Variants in THSD7B observed in about 807,000 individuals in gnomAD.
The protein encoded by THSD7B is thrombospondin type-1 domain-containing protein 7B.
In THSD7B, 138 loss-of-function variants were observed where a neutral mutation model predicts 213.6. The observed-to-expected ratio is 0.65, with a 90% CI of 0.56 to 0.74. THSD7B has a LOEUF of 0.74. THSD7B is among the 30% of genes least tolerant of loss of function. The pLI is 0.00. For synonymous variants in THSD7B, 742 were observed against 687.0 expected, an observed-to-expected ratio of 1.08 and a Z score of -1.25; for missense variants, 1,931 against 1,991.5, an observed-to-expected ratio of 0.97 and a Z score of 0.58.
rs181828881 is a variant in THSD7B, at chr2:137,582,561, T to C, written c.3423+10005T>C. Among the ~76,000 whole-genome samples, 190 of 145,936 alleles carry C rather than the reference T, an allele frequency of 1.3e-3. 1 individual carries two copies. Among genetic ancestry groups the C allele is most frequent in the Non-Finnish European group, 1.7e-3 (116 of 66,718 alleles). ...GTGTCCGAGTGTTCTCATTGTTCAATTCCCACCTATGAGTGAGAACATGTG... is the reference window on the plus strand; with the variant it reads ...GTGTCCGAGTGTTCTCATTGTTCAACTCCCACCTATGAGTGAGAACATGTG... On this transcript the variant is annotated intron_variant, in intron 17 of 27. Transcript: ENST00000409968.
At chr2:137,601,980 TTA>T (rs1012255961) in intron 17 of THSD7B, among the ~76,000 whole-genome samples, 4 of 152,298 alleles carry the variant, frequency 2.6e-5, no homozygotes, top group African/African-American at 9.6e-5. Flanking sequence ...CTCTGAAATT[TTA>T]TCTCTGTTCA....
chr2:137,302,836 T>C (rs1464917114), intron 12 of THSD7B, among the ~76,000 whole-genome samples: 2 of 152,142 alleles, frequency 1.3e-5, no homozygotes, highest in African/African-American at 4.8e-5. Flanking sequence ...AACGAAGTCA[T>C]GACCATTTTA....
intron 12 of THSD7B, among the ~76,000 whole-genome samples, chr2:137,279,197 G>C (rs1372974782): frequency 1.3e-5 from 2 of 152,084 alleles, no homozygotes; most frequent in Admixed American, 1.3e-4. Context: ...CATTATTCAA[G>C]TTTCAGTGCT....
chr2:137,466,334 TC>T (rs1687990033), intron 15 of THSD7B, among the ~76,000 whole-genome samples: 1 of 152,120 alleles, frequency 6.6e-6, no homozygotes, highest in South Asian at 2.1e-4. Context: ...GCACTGGCAT[TC>T]CAGTTTTGAG....
chr2:136,766,678 A>T (rs1463449996), intron 1 of THSD7B, among the ~76,000 whole-genome samples: 1 of 152,172 alleles, frequency 6.6e-6, no homozygotes, highest in Non-Finnish European at 1.5e-5. Flanking sequence ...GGAATGTCTG[A>T]GCTCAGAGCT....
rs993098276 is a variant in THSD7B, at chr2:136,837,304, C to A, written c.-35-44840C>A. ...GGCTCTTTATTTATTTTCTACCACT[C>A]TCCTTCTGCACTTACCTCATTCACT... On this transcript the variant is annotated intron_variant, in intron 1 of 27. Transcript: ENST00000409968. Among the ~76,000 whole-genome samples the A allele has an allele frequency of 2.6e-5, 4 of 152,190 alleles. No homozygotes were observed. The South Asian group carries it at 8.3e-4, about 32-fold the overall frequency.
chr2:136,936,703 A>G lies in THSD7B; in HGVS notation c.139+54386A>G, dbSNP rs533080343. 4.6e-5 allele frequency among the ~76,000 whole-genome samples: 7 copies of G among 152,266 alleles called. No individual in the cohort carries two copies. The South Asian group carries it at 1.5e-3, about 32-fold the overall frequency. The stretch of plus-strand genomic sequence containing the variant: ...GGGAAGAGGGTGAGGGATAAAGACT[A>G]CAAGTAGGGTACAGTGTATACTGCA... On this transcript the variant is annotated intron_variant, in intron 2 of 27. Transcript: ENST00000409968.
At chr2:137,322,803 A>G (rs1684289250) in intron 12 of THSD7B, among the ~76,000 whole-genome samples, 1 of 152,200 alleles carries the variant, frequency 6.6e-6, no homozygotes, top group African/African-American at 2.4e-5. Context: ...TGATTTCTAG[A>G]CTTGGAACAT....
At chr2:136,837,434 C>T (rs1682862013) in intron 1 of THSD7B, among the ~76,000 whole-genome samples, 1 of 152,324 alleles carries the variant, frequency 6.6e-6, no homozygotes, top group South Asian at 2.1e-4. Flanking sequence ...ATGACATATT[C>T]CCCCTCCTCA....
At chr2:137,035,916 T>C (rs1686765775) in intron 2 of THSD7B, among the ~76,000 whole-genome samples, 1 of 152,190 alleles carries the variant, frequency 6.6e-6, no homozygotes, top group South Asian at 2.1e-4. Flanking sequence ...GTACAAAATG[T>C]ATCAAATCCA....
chr2:136,909,803 T>C (rs1409471502), intron 2 of THSD7B, among the ~76,000 whole-genome samples: 2 of 152,240 alleles, frequency 1.3e-5, no homozygotes, highest in Non-Finnish European at 2.9e-5. Context: ...GCCAGACTAC[T>C]TACATTCTTT....
At chr2:137,490,537 C>G (rs1229932013) in intron 15 of THSD7B, among the ~76,000 whole-genome samples, 3 of 152,190 alleles carry the variant, frequency 2.0e-5, no homozygotes, top group African/African-American at 7.2e-5. Context: ...AGCCCCTGCA[C>G]ATACATCATG....
At chr2:137,378,362 C>T (rs957810704) in intron 12 of THSD7B, among the ~76,000 whole-genome samples, 2 of 152,170 alleles carry the variant, frequency 1.3e-5, no homozygotes, top group Non-Finnish European at 2.9e-5. Context: ...GCTGACTTTG[C>T]ACAGCGTGTC....
chr2:137,322,315 TAAC>T (rs1423532565), intron 12 of THSD7B, among the ~76,000 whole-genome samples: 1 of 152,130 alleles, frequency 6.6e-6, no homozygotes, highest in Non-Finnish European at 1.5e-5. Flanking sequence ...ACACATGCAA[TAAC>T]ACTTTCTCAG....
chr2:137,219,794 T>C (rs1681326127), intron 7 of THSD7B, among the ~76,000 whole-genome samples: 1 of 129,458 alleles, frequency 7.7e-6, no homozygotes, highest in African/African-American at 3.1e-5. Context: ...TGCACAATGT[T>C]ATAAACAGCA....
chr2:136,783,221 A>G (rs1681775606), intron 1 of THSD7B, among the ~76,000 whole-genome samples: 2 of 152,140 alleles, frequency 1.3e-5, no homozygotes, highest in Admixed American at 1.3e-4. Context: ...CAGGACCCTT[A>G]TACCTGCCGT....
intron 12 of THSD7B, among the ~76,000 whole-genome samples, chr2:137,285,663 C>T (rs1683155314): frequency 6.6e-6 from 1 of 150,964 alleles, no homozygotes; most frequent in African/African-American, 2.4e-5. Flanking sequence ...AATTATACAG[C>T]AATAATACCT....
At chr2:137,675,403 CATATATATATAT>C (rs55940004) in intron 27 of THSD7B, among the ~76,000 whole-genome samples, 4,899 of 116,328 alleles carry the variant, frequency 0.042, 168 homozygotes, top group East Asian at 0.15. Flanking sequence ...AAATGAATGC[CATATATATATAT>C]ATATATATAT....
intron 12 of THSD7B, among the ~76,000 whole-genome samples, chr2:137,383,162 G>C (rs762174225): frequency 3.9e-5 from 6 of 152,216 alleles, no homozygotes; most frequent in Non-Finnish European, 5.9e-5. Context: ...AGACCTGTAG[G>C]TGGAAGGATG....
Sources: gnomAD v4.1 joint callset for allele counts (sites outside exome capture counted in the v4.1 genomes callset) on GRCh38, gnomAD v4.1.1 for gene constraint, MANE v1.5 for transcripts, NCBI Gene and HGNC (gene_info 2026-07-23, HGNC 2026-07-21) for gene names.